Variants in SPIDR observed in about 807,000 individuals in gnomAD.
SPIDR encodes DNA repair-scaffolding protein.
A neutral mutation model predicts 104.6 loss-of-function variants in SPIDR; 93 were observed. The observed-to-expected ratio is 0.89, with a 90% CI of 0.75 to 1.06. The LOEUF (loss-of-function observed/expected upper bound fraction) is 1.06, where lower values mean the gene tolerates loss of function less well. Ranked by LOEUF, SPIDR falls within the 50% of genes least tolerant of loss-of-function variation. The probability of loss-of-function intolerance (pLI) is 0.00; values close to 1 mark genes in which losing one functional copy is unlikely to be tolerated. For synonymous variants in SPIDR, 431 were observed against 416.9 expected, an observed-to-expected ratio of 1.03 and a Z score of -0.41; for missense variants, 1,154 against 1,111.2, an observed-to-expected ratio of 1.04 and a Z score of -0.55.
chr8:47,356,856 T>G (rs2054650851), intron 5 of SPIDR, among the ~76,000 whole-genome samples: 1 of 152,184 alleles, frequency 6.6e-6, no homozygotes, highest in South Asian at 2.1e-4. Flanking sequence ...GAAGCTGCTG[T>G]TCTGTGAGCA....
At chr8:47,507,227 A>T (rs1235805064) in intron 8 of SPIDR, among the ~76,000 whole-genome samples, 1 of 152,188 alleles carries the variant, frequency 6.6e-6, no homozygotes, top group Admixed American at 6.5e-5. Context: ...TTGTGAGTAG[A>T]GGCTTGTACT....
chr8:47,298,354 GCC>G (rs1189726132), intron 5 of SPIDR, among the ~76,000 whole-genome samples: 1 of 151,912 alleles, frequency 6.6e-6, no homozygotes, highest in Non-Finnish European at 1.5e-5. Flanking sequence ...CTGGATATTA[GCC>G]CTTTGTCAGA....
intron 11 of SPIDR, among the ~76,000 whole-genome samples, chr8:47,679,898 A>G (rs988472543): frequency 2.6e-5 from 4 of 152,368 alleles, no homozygotes; most frequent in Admixed American, 2.6e-4. Context: ...TAAGCAAATA[A>G]TTTGTATTTG....
chr8:47,654,677 C>T (rs1053306917), intron 10 of SPIDR, among the ~76,000 whole-genome samples: 4 of 152,110 alleles, frequency 2.6e-5, no homozygotes, highest in African/African-American at 4.8e-5. Flanking sequence ...TCTTAAAGAC[C>T]TACACTCATA....
intron 8 of SPIDR, among the ~76,000 whole-genome samples, chr8:47,508,440 A>G (rs1419174195): frequency 1.3e-5 from 2 of 152,202 alleles, no homozygotes; most frequent in South Asian, 2.1e-4. Flanking sequence ...GTCATTCTCA[A>G]AGACCTATGT....
At chr8:47,389,688 C>CAAAAA (rs11295388) in intron 5 of SPIDR, among the ~76,000 whole-genome samples, 12 of 62,010 alleles carry the variant, frequency 1.9e-4, no homozygotes, top group African/African-American at 6.9e-4. Flanking sequence ...GACTCCATCT[C>CAAAAA]AAAAAAAAAA....
intron 11 of SPIDR, among the ~76,000 whole-genome samples, chr8:47,676,631 T>C (rs2076486900): frequency 1.3e-5 from 2 of 152,212 alleles, no homozygotes; most frequent in African/African-American, 4.8e-5. Context: ...CTAAAATGAT[T>C]AATTTTATAA....
At chr8:47,602,309 T>G (rs2062395065) in intron 10 of SPIDR, among the ~76,000 whole-genome samples, 1 of 152,252 alleles carries the variant, frequency 6.6e-6, no homozygotes, top group Non-Finnish European at 1.5e-5. Context: ...GCATAAGCAG[T>G]GACCCCTTTC....
chr8:47,639,217 C>T (rs867032579), intron 10 of SPIDR, among the ~76,000 whole-genome samples: 3 of 152,288 alleles, frequency 2.0e-5, no homozygotes, highest in African/African-American at 7.2e-5. Context: ...GAATCGTCCA[C>T]GTGTGCTCCT....
intron 16 of SPIDR, among the ~76,000 whole-genome samples, chr8:47,724,544 G>A (rs890131301): frequency 6.6e-6 from 1 of 152,200 alleles, no homozygotes; most frequent in Admixed American, 6.5e-5. Flanking sequence ...TGACATGTCC[G>A]CTGCATGGCT....
intron 8 of SPIDR, among the ~76,000 whole-genome samples, chr8:47,515,415 C>G (rs1478952201): frequency 6.6e-6 from 1 of 152,094 alleles, no homozygotes; most frequent in African/African-American, 2.4e-5. Flanking sequence ...CAACTGAATA[C>G]TGTTATGTGG....
intron 8 of SPIDR, among the ~76,000 whole-genome samples, chr8:47,554,930 G>A (rs990603824): frequency 1.3e-5 from 2 of 152,170 alleles, no homozygotes; most frequent in African/African-American, 2.4e-5. Flanking sequence ...ATTTTCAAAA[G>A]CAGGTGGCCT....
intron 10 of SPIDR, among the ~76,000 whole-genome samples, chr8:47,607,971 C>T (rs1325178296): frequency 6.6e-6 from 1 of 151,300 alleles, no homozygotes; most frequent in African/African-American, 2.5e-5. Flanking sequence ...AATTCACATC[C>T]CATAAAATTC....
At chr8:47,483,815 T>C (rs1484729488) in intron 8 of SPIDR, among the ~76,000 whole-genome samples, 1 of 152,158 alleles carries the variant, frequency 6.6e-6, no homozygotes, top group Non-Finnish European at 1.5e-5. Context: ...ACCTCTGTGG[T>C]ATGTGTCATT....
At chr8:47,364,100 A>G (rs1554632670) in intron 5 of SPIDR, among the ~76,000 whole-genome samples, 1 of 152,250 alleles carries the variant, frequency 6.6e-6, no homozygotes, top group Non-Finnish European at 1.5e-5. Context: ...CTGTAAAAGT[A>G]TTAATTCTTC....
chr8:47,503,459 C>T (rs957257133), intron 8 of SPIDR, among the ~76,000 whole-genome samples: 1 of 151,922 alleles, frequency 6.6e-6, no homozygotes, highest in Non-Finnish European at 1.5e-5. Flanking sequence ...GGATTGCAAC[C>T]CCTGCCGTTT....
At chr8:47,620,271 A>G (rs1012069172) in intron 10 of SPIDR, among the ~76,000 whole-genome samples, 2 of 129,368 alleles carry the variant, frequency 1.5e-5, no homozygotes, top group Non-Finnish European at 3.1e-5. Flanking sequence ...CACCATTTAA[A>G]CCTTTTTTTT....
intron 7 of SPIDR, among the ~76,000 whole-genome samples, chr8:47,412,317 A>G (rs2063647816): frequency 6.6e-6 from 1 of 151,920 alleles, no homozygotes; most frequent in Non-Finnish European, 1.5e-5. Flanking sequence ...TGTTATTTAG[A>G]ATTTAGGGAA....
At chr8:47,592,154 T>C (rs1282788620) in intron 8 of SPIDR, 6 of 1,411,912 alleles carry the variant, frequency 4.2e-6, no homozygotes, top group Admixed American at 3.5e-5. Context: ...TTAAATATTA[T>C]TCATGGCATA....
Sources: allele counts gnomAD v4.1 joint callset (sites outside exome capture counted in the v4.1 genomes callset), GRCh38; gene constraint gnomAD v4.1.1; transcripts MANE v1.5; gene names NCBI Gene and HGNC (gene_info 2026-07-23, HGNC 2026-07-21).